CERKL: variants seen among roughly 807,000 people sequenced by gnomAD.
CERKL encodes the protein CERK like autophagy regulator.
Under a neutral mutation model 63.4 loss-of-function variants are expected in CERKL, and 61 were observed. The observed-to-expected ratio is 0.96, with a 90% confidence interval of 0.78 to 1.19. The LOEUF (loss-of-function observed/expected upper bound fraction) is 1.19, where lower values mean the gene tolerates loss of function less well. Ranked by LOEUF, CERKL falls within the 50% of genes most tolerant of loss-of-function variation. The pLI is 0.00. For synonymous variants in CERKL, 250 were observed against 230.5 expected (o/e 1.08, Z -0.77); for missense variants, 675 against 655.5 (o/e 1.03, Z -0.33).
intron 11 of CERKL, 109 bp from the exon 12 acceptor site, chr2:181,539,373 C>T (rs1358725591): frequency 9.8e-6 from 7 of 717,110 alleles, no homozygotes; most frequent in Non-Finnish European, 1.7e-5. Flanking sequence ...TGTATGCTGA[C>T]ATTTTAATAG....
chr2:181,620,375 G>C (rs769051843), intron 1 of CERKL, among the ~76,000 whole-genome samples: 1 of 152,160 alleles, frequency 6.6e-6, no homozygotes, highest in Non-Finnish European at 1.5e-5. Context: ...AGCAGTCACG[G>C]TGAGGATATC....
chr2:181,584,985 T>G (rs1684698949), intron 2 of CERKL, among the ~76,000 whole-genome samples: 1 of 151,620 alleles, frequency 6.6e-6, no homozygotes, highest in Non-Finnish European at 1.5e-5. Context: ...TTTCGTTTCC[T>G]CTGCTTGGAC....
intron 2 of CERKL, among the ~76,000 whole-genome samples, chr2:181,586,213 C>T (rs1178965408): frequency 6.6e-6 from 1 of 152,078 alleles, no homozygotes; most frequent in African/African-American, 2.4e-5. Context: ...AACAGACACA[C>T]ATCCTAACCC....
At chr2:181,578,823 G>A (rs2105855458) in intron 2 of CERKL, among the ~76,000 whole-genome samples, 1 of 152,056 alleles carries the variant, frequency 6.6e-6, no homozygotes, top group East Asian at 1.9e-4. Flanking sequence ...ATGAGTCCTT[G>A]AGGATAAATG....
chr2:181,639,286 T>C (rs1201826742), intron 1 of CERKL, among the ~76,000 whole-genome samples: 3 of 152,152 alleles, frequency 2.0e-5, no homozygotes, highest in South Asian at 4.1e-4. Context: ...GGGTAGAGTA[T>C]AGATGAAATA....
chr2:181,581,431 C>T (rs1300466922), intron 2 of CERKL, among the ~76,000 whole-genome samples: 1 of 152,202 alleles, frequency 6.6e-6, no homozygotes, highest in Non-Finnish European at 1.5e-5. Flanking sequence ...AAGGTTTCAT[C>T]TTCCAGGTAG....
At chr2:181,594,136 C>T (rs947519788) in intron 2 of CERKL, among the ~76,000 whole-genome samples, 1 of 152,180 alleles carries the variant, frequency 6.6e-6, no homozygotes, top group African/African-American at 2.4e-5. Flanking sequence ...CCAACATTTA[C>T]TGAGCTATGC....
At chr2:181,624,340 C>T (rs888508254) in intron 1 of CERKL, among the ~76,000 whole-genome samples, 1 of 150,548 alleles carries the variant, frequency 6.6e-6, no homozygotes, top group Non-Finnish European at 1.5e-5. Context: ...CTAGACTGGG[C>T]AGCAAAGGGA....
At position 181,573,806 on chromosome 2, in the gene CERKL, T is replaced by C. The variant is rs1413222044; in HGVS notation, c.560A>G (p.Tyr187Cys). Residue 187 changes from tyrosine to cysteine, a missense_variant, in exon 3 of 13, where the codon TAT (tyrosine) becomes TGT (cysteine). Coordinates refer to ENST00000410087, the MANE Select transcript of CERKL (RefSeq NM_201548.5). ...SHKKEATQVY[Y>C]EKVEPLLKLA... ...CTTCAACAGAGGTTCAACCTTCTCA[T>C]AATAAACCTGGGTAGCTTCTTTTTT... 2 of 1,612,190 alleles carry C rather than the reference T, an allele frequency of 1.2e-6. No homozygotes were observed. Among genetic ancestry groups the C allele is most frequent in the Admixed American group, 1.7e-5 (1 of 59,952 alleles).
chr2:181,650,765 A>T (rs541577044), intron 1 of CERKL, among the ~76,000 whole-genome samples: 1 of 149,888 alleles, frequency 6.7e-6, no homozygotes, highest in Non-Finnish European at 1.5e-5. Context: ...ATCTCAAAAA[A>T]AAAGAAAGAA....
chr2:181,553,201 G>A (rs541077102), intron 5 of CERKL, among the ~76,000 whole-genome samples: 7 of 152,106 alleles, frequency 4.6e-5, no homozygotes, highest in African/African-American at 1.7e-4. Flanking sequence ...TCTTTATCAA[G>A]GTCTTTCCAA....
chr2:181,600,444 T>C (rs1219928447), intron 2 of CERKL, among the ~76,000 whole-genome samples: 1 of 152,142 alleles, frequency 6.6e-6, no homozygotes, highest in African/African-American at 2.4e-5. Flanking sequence ...TTAAATGACC[T>C]AACCTTCTGC....
In CERKL at chr2:181,603,964, T is replaced by TA; in HGVS notation, c.353dup (p.Leu118PhefsTer15). On this transcript the variant is annotated frameshift_variant, in exon 2 of 13. Coordinates refer to ENST00000410087, the MANE Select transcript of CERKL (RefSeq NM_201548.5). LOFTEE classifies it high-confidence loss of function. ...TCAAGCAGATGAAGAGTGTGATACCTAATAAAGTACCACTTCTCTGCTGTT... is the reference window on the plus strand; with the variant it reads ...TCAAGCAGATGAAGAGTGTGATACCTAAATAAAGTACCACTTCTCTGCTGTT... The TA allele has an allele frequency of 6.2e-7, 1 of 1,613,378 alleles. No homozygotes were observed. Among genetic ancestry groups the TA allele is most frequent in the Non-Finnish European group, 8.5e-7 (1 of 1,179,686 alleles).
rs556520189 is a variant in CERKL at position 181,643,787 on chromosome 2, G to A, written c.238+12982C>T. 2.0e-5 allele frequency among the ~76,000 whole-genome samples: 3 copies of A among 152,270 alleles called. No homozygotes were observed. In the East Asian group the frequency reaches 5.8e-4, roughly 29 times the overall value. On this transcript the variant is annotated intron_variant, in intron 1 of 12. Coordinates refer to ENST00000410087, the MANE Select transcript of CERKL (RefSeq NM_201548.5). Reference sequence around the variant, plus strand: ...ATCACTCTTAAACATACTAATATATGAGCTTAACATTGCCTAATCTTACCC... The same window carrying A: ...ATCACTCTTAAACATACTAATATATAAGCTTAACATTGCCTAATCTTACCC...
intron 1 of CERKL, among the ~76,000 whole-genome samples, chr2:181,648,752 C>A (rs547578979): frequency 6.6e-6 from 1 of 152,066 alleles, no homozygotes; most frequent in Non-Finnish European, 1.5e-5. Context: ...GGAACACATA[C>A]TAAAGAAATA....
chr2:181,651,598 A>G (rs1559125639), intron 1 of CERKL, among the ~76,000 whole-genome samples: 2 of 152,208 alleles, frequency 1.3e-5, no homozygotes. Flanking sequence ...GATCAATTCT[A>G]AGATCAATAA....
At chr2:181,561,128 A>T (rs368427666) in intron 4 of CERKL, among the ~76,000 whole-genome samples, 39 of 152,192 alleles carry the variant, frequency 2.6e-4, no homozygotes, top group African/African-American at 7.9e-4. Flanking sequence ...TGGCATTAAG[A>T]TGTAAATCAT....
At chr2:181,571,735 A>G (rs140410821) in intron 3 of CERKL, among the ~76,000 whole-genome samples, 75 of 152,260 alleles carry the variant, frequency 4.9e-4, no homozygotes, top group African/African-American at 1.7e-3. Context: ...AACAGAATCC[A>G]GATTCAGCTG....
At chr2:181,650,958 C>G (rs565831298) in intron 1 of CERKL, among the ~76,000 whole-genome samples, 174 of 152,236 alleles carry the variant, frequency 1.1e-3, no homozygotes, top group Non-Finnish European at 1.8e-3. Flanking sequence ...GTCCCCGACA[C>G]ATACAACCTA....
Sources: gnomAD v4.1 joint callset for allele counts (sites outside exome capture counted in the v4.1 genomes callset) on GRCh38, gnomAD v4.1.1 for gene constraint, MANE v1.5 for transcripts, NCBI Gene and HGNC (gene_info 2026-07-23, HGNC 2026-07-21) for gene names.